The following LTBP1 variants were observed in gnomAD, a reference collection of about 807,000 sequenced individuals.
LTBP1 encodes the protein latent transforming growth factor beta binding protein 1.
Under a neutral mutation model 207.6 loss-of-function variants are expected in LTBP1, and 129 were observed. That is an observed-to-expected ratio of 0.62 (90% CI 0.54 to 0.72). The LOEUF is 0.72. Ranked by LOEUF, LTBP1 falls within the 30% of genes least tolerant of loss-of-function variation. The pLI is 0.00. For missense variants in LTBP1, 2,281 were observed against 2,217.2 expected, an observed-to-expected ratio of 1.03 and a Z score of -0.58; for synonymous variants, 963 against 833.7, an observed-to-expected ratio of 1.16 and a Z score of -2.67.
At chr2:32,994,705 G>A (rs947873534) in intron 2 of LTBP1, among the ~76,000 whole-genome samples, 1 of 152,078 alleles carries the variant, frequency 6.6e-6, no homozygotes, top group African/African-American at 2.4e-5. Flanking sequence ...GACCTCAGAT[G>A]ATCCACCCAC....
At position 32,981,227 on chromosome 2, in the gene LTBP1, C is replaced by T. The variant is rs145184270; in HGVS notation, c.565+32282C>T. Among the ~76,000 whole-genome samples, 679 of 152,204 alleles carry T rather than the reference C, an allele frequency of 4.5e-3. 3 individuals carry two copies. The highest frequency in any genetic ancestry group is 7.0e-3 in the Non-Finnish European group (479 of 67,982). On this transcript the variant is annotated intron_variant, in intron 2 of 33. Coordinates refer to ENST00000404816, the MANE Select transcript of LTBP1 (RefSeq NM_206943.4). ...AGTAACTCTTAGATTTGCCCCATTG[C>T]GGCCATTTTCTAGATCTTTTAGGTG... is the stretch of plus-strand genomic sequence containing the variant.
At chr2:33,295,469 G>T (rs2093856621) in intron 20 of LTBP1, among the ~76,000 whole-genome samples, 1 of 152,130 alleles carries the variant, frequency 6.6e-6, no homozygotes, top group Non-Finnish European at 1.5e-5. Context: ...AGAGGTTGCA[G>T]TGAACTGAGA....
At position 33,252,664 on chromosome 2, in the gene LTBP1, C is replaced by A. The variant is rs1390090526; in HGVS notation, c.2000-13C>A. 6.3e-7 allele frequency: 1 copy of A among 1,599,386 alleles called. No homozygotes were observed. Among genetic ancestry groups the A allele is most frequent in the African/African-American group, 1.3e-5 (1 of 74,638 alleles). ...TTTCTCATGTAATGTCGGGCTTTAT[C>A]TCTCTGCTTCAGCTGATCCCCCTGT... On this transcript the variant is annotated splice_polypyrimidine_tract_variant and intron_variant, in intron 10 of 33. Coordinates refer to ENST00000404816, the MANE Select transcript of LTBP1 (RefSeq NM_206943.4).
At chr2:33,275,129 C>G (rs2093399473) in intron 17 of LTBP1, 39 bp downstream of exon 17, 1 of 1,609,814 alleles carries the variant, frequency 6.2e-7, no homozygotes, top group Non-Finnish European at 8.5e-7. Context: ...ATTCTTAGAT[C>G]TGAGTTTTTA....
In LTBP1 at chr2:33,084,288, T is replaced by A. The variant is rs2078621195; in HGVS notation, c.864-26294T>A. 4.6e-5 allele frequency among the ~76,000 whole-genome samples: 7 copies of A among 152,206 alleles called. No homozygotes were observed. The South Asian group carries it at 1.4e-3, about 32-fold the overall frequency. On this transcript the variant is annotated intron_variant, in intron 3 of 33. Coordinates refer to ENST00000404816, the MANE Select transcript of LTBP1 (RefSeq NM_206943.4). The stretch of plus-strand genomic sequence containing the variant: ...TTTTAAATTTTCAGCTGAGTCTGAT[T>A]ACCTAATTAGTTCAGATTGGCCCTT...
At chr2:33,010,556 C>T (rs191325167) in intron 2 of LTBP1, among the ~76,000 whole-genome samples, 321 of 152,180 alleles carry the variant, frequency 2.1e-3, no homozygotes, top group East Asian at 7.9e-3. Context: ...GATAAATATT[C>T]GGGGTGATGG....
chr2:33,039,970 G>A (rs992026562), intron 3 of LTBP1, among the ~76,000 whole-genome samples: 3 of 152,082 alleles, frequency 2.0e-5, no homozygotes, highest in Non-Finnish European at 4.4e-5. Flanking sequence ...GTAAAATCTC[G>A]GGAGTGCAGG....
In LTBP1 at chr2:33,280,127, A is replaced by G. The variant is rs2093529556; in HGVS notation, c.3081A>G (p.Glu1027=). 2 of 1,614,158 alleles carry G rather than the reference A, an allele frequency of 1.2e-6. No individual in the cohort carries two copies. The highest frequency in any genetic ancestry group is 2.2e-5 in the East Asian group (1 of 44,882). The part of the protein sequence containing the change: ...PGSYQCVPCT[E]GFRGWNGQCL... ...CTTACCAGTGCGTTCCCTGCACAGAAGGATTCCGAGGCTGGAATGGACAGT... is the reference window on the plus strand; with the variant it reads ...CTTACCAGTGCGTTCCCTGCACAGAGGGATTCCGAGGCTGGAATGGACAGT... Residue 1027 remains glutamate (E), a synonymous_variant, in exon 19 of 34, where the codon GAA becomes GAG. Transcript: ENST00000404816.
intron 14 of LTBP1, 144 bp downstream of exon 14, chr2:33,262,965 A>C: frequency 5.5e-6 from 3 of 547,774 alleles, no homozygotes; most frequent in Non-Finnish European, 9.7e-6. Flanking sequence ...TACTTATATA[A>C]TGTTAGCATA....
intron 7 of LTBP1, among the ~76,000 whole-genome samples, chr2:33,198,632 T>C (rs1553449583): frequency 1.3e-5 from 2 of 152,118 alleles, no homozygotes. Flanking sequence ...CTTGGGAGAG[T>C]GTATATGTCG....
At chr2:33,018,707 A>G (rs1029301408) in intron 2 of LTBP1, among the ~76,000 whole-genome samples, 9 of 152,242 alleles carry the variant, frequency 5.9e-5, no homozygotes, top group African/African-American at 1.9e-4. Flanking sequence ...CTTTTGAACT[A>G]GAATTCTAGA....
At chr2:32,970,164 G>T (rs564550949) in intron 2 of LTBP1, among the ~76,000 whole-genome samples, 23 of 152,150 alleles carry the variant, frequency 1.5e-4, no homozygotes, top group African/African-American at 5.1e-4. Context: ...CTGGATACTA[G>T]ACCTTTGTCA....
At chr2:33,298,470 A>T (rs879404333) in intron 20 of LTBP1, among the ~76,000 whole-genome samples, 1 of 152,254 alleles carries the variant, frequency 6.6e-6, no homozygotes, top group Non-Finnish European at 1.5e-5. Context: ...AAGATTCCAA[A>T]GCACTAAAAA....
At chr2:32,990,187 C>G (rs145884652) in intron 2 of LTBP1, among the ~76,000 whole-genome samples, 1 of 152,198 alleles carries the variant, frequency 6.6e-6, no homozygotes, top group Non-Finnish European at 1.5e-5. Flanking sequence ...GCTTATTGTA[C>G]TCTATCGATA....
intron 7 of LTBP1, among the ~76,000 whole-genome samples, chr2:33,207,784 A>G (rs114011068): frequency 3.9e-5 from 6 of 152,234 alleles, no homozygotes; most frequent in African/African-American, 1.4e-4. Flanking sequence ...AGCATATTTA[A>G]TGATCTAGTA....
At position 32,947,316 on chromosome 2, in the gene LTBP1, G is replaced by C; in HGVS notation, c.-9G>C. On this transcript the variant is annotated 5_prime_UTR_variant, in exon 1 of 34. Coordinates refer to ENST00000404816, the MANE Select transcript of LTBP1 (RefSeq NM_206943.4). ...CGCGCGCGACCGGTCGCGCCCGCTGGGGCCCGCGATGGCGGGGGCCTGGCT... is the reference window on the plus strand; with the variant it reads ...CGCGCGCGACCGGTCGCGCCCGCTGCGGCCCGCGATGGCGGGGGCCTGGCT... 5.7e-6 allele frequency: 7 copies of C among 1,232,672 alleles called. No individual in the cohort carries two copies. Among genetic ancestry groups the C allele is most frequent in the Non-Finnish European group, 7.1e-6 (7 of 987,872 alleles). 76.4% of individuals were successfully genotyped at this position (1,232,672 alleles called of 1,614,324 possible).
chr2:33,276,503 C>G (rs528866768), intron 18 of LTBP1, among the ~76,000 whole-genome samples: 194 of 152,316 alleles, frequency 1.3e-3, no homozygotes, highest in African/African-American at 4.4e-3. Flanking sequence ...AATTATTATC[C>G]TTTTCATATT....
At chr2:33,115,035 T>TACACACAC (rs1306356115) in intron 4 of LTBP1, among the ~76,000 whole-genome samples, 28 of 98,272 alleles carry the variant, frequency 2.8e-4, no homozygotes, top group East Asian at 6.9e-4. Context: ...CAAACAGATA[T>TACACACAC]ATACACACAC....
chr2:32,947,423 C>A lies in LTBP1; in HGVS notation c.99C>A (p.His33Gln), dbSNP rs1238816426. The change falls in exon 1 of 34, where the codon CAC becomes CAA. Residue 33 changes from histidine to glutamine, a missense_variant. Physicochemically the swap from His to Gln is conservative, Grantham distance 24. Coordinates refer to ENST00000404816, the MANE Select transcript of LTBP1 (RefSeq NM_206943.4). ...TGCGGAGGATCACCTACGTGGTGCA[C>A]CCGGGCCCCGGCCTGGCAGCCGGCG... ...GRLRRITYVV[H>Q]PGPGLAAGAL... 1 of 1,439,590 alleles carries A rather than the reference C, an allele frequency of 6.9e-7. No individual in the cohort carries two copies. The highest frequency in any genetic ancestry group is 1.5e-5 in the African/African-American group (1 of 67,506). The allele number at this position is 1,439,590 out of a possible 1,614,324, so 89.2% of individuals were successfully genotyped here. A position where few individuals can be genotyped will look rare whatever the true frequency, so the allele number is the denominator to read the frequency against.
Sources: gnomAD v4.1 joint callset for allele counts (sites outside exome capture counted in the v4.1 genomes callset) on GRCh38, gnomAD v4.1.1 for gene constraint, MANE v1.5 for transcripts, NCBI Gene and HGNC (gene_info 2026-07-23, HGNC 2026-07-21) for gene names.